The following NCOA3 variants were observed in gnomAD, a reference collection of about 807,000 sequenced individuals.
The protein encoded by NCOA3 is CBP-interacting protein.
NCOA3 carries 51 observed loss-of-function variants against 158.8 expected under a neutral mutation model. The ratio of observed to expected loss-of-function variants is 0.32; its 90% CI spans 0.26 to 0.41. NCOA3 has a LOEUF of 0.41. NCOA3 is among the 10% of genes least tolerant of loss of function. The probability of loss-of-function intolerance (pLI) is 1.00; values close to 1 mark genes in which losing one functional copy is unlikely to be tolerated. For missense variants in NCOA3, 1,510 were observed against 1,746.6 expected (o/e 0.86, Z 2.41); for synonymous variants, 537 against 592.4 (o/e 0.91, Z 1.36).
At chr20:47,649,677 G>A (rs1240266872) in intron 19 of NCOA3, among the ~76,000 whole-genome samples, 2 of 151,834 alleles carry the variant, frequency 1.3e-5, no homozygotes, top group African/African-American at 2.4e-5. Flanking sequence ...TTGAAATATC[G>A]TTTATAATTG....
chr20:47,653,123 A>G, intron 22 of NCOA3, 51 bp downstream of exon 22: 1 of 1,590,734 alleles, frequency 6.3e-7, no homozygotes, highest in Non-Finnish European at 8.6e-7. Flanking sequence ...TGTTCTCTGG[A>G]TAGAACTAAA....
chr20:47,503,649 A>G (rs1196318854), intron 1 of NCOA3, among the ~76,000 whole-genome samples: 3 of 152,240 alleles, frequency 2.0e-5, no homozygotes, highest in Non-Finnish European at 4.4e-5. Context: ...GTTGATAGCT[A>G]TTGGAAAAAG....
rs2086844131 is a variant in NCOA3, at chr20:47,654,547, CTT to C, written c.*1133_*1134del. ...TACCAGTGGAAGAGACATCCCTTGA[CTT>C]TTGTGGCCTGGGGGAGGGGTAGTGC... On this transcript the variant is annotated 3_prime_UTR_variant, in exon 23 of 23. Transcript: ENST00000371998. The C allele has an allele frequency of 6.6e-6, 1 of 152,514 alleles. No individual in the cohort carries two copies. Among genetic ancestry groups the C allele is most frequent in the South Asian group, 2.1e-4 (1 of 4,828 alleles). The allele number at this position is 152,514 out of a possible 1,614,324, so 9.4% of individuals were successfully genotyped here.
chr20:47,637,569 A>G, intron 12 of NCOA3, 79 bp from the exon 13 acceptor site: 3 of 1,171,074 alleles, frequency 2.6e-6, no homozygotes, highest in Non-Finnish European at 3.5e-6. Flanking sequence ...TATTTCATGT[A>G]TCATTTTTTC....
At chr20:47,573,961 C>T (rs899156808) in intron 1 of NCOA3, among the ~76,000 whole-genome samples, 1 of 151,958 alleles carries the variant, frequency 6.6e-6, no homozygotes, top group African/African-American at 2.4e-5. Context: ...TCATTGACCT[C>T]CAAAAATTCA....
At chr20:47,556,888 C>T (rs1406388697) in intron 1 of NCOA3, among the ~76,000 whole-genome samples, 1 of 152,144 alleles carries the variant, frequency 6.6e-6, no homozygotes, top group Non-Finnish European at 1.5e-5. Context: ...GAATTAAATC[C>T]TTTCATACCC....
intron 2 of NCOA3, among the ~76,000 whole-genome samples, chr20:47,596,728 G>C (rs552095409): frequency 6.6e-6 from 1 of 152,186 alleles, no homozygotes; most frequent in Non-Finnish European, 1.5e-5. Context: ...TGGGACTACA[G>C]GCGCTTGCCA....
In NCOA3 at chr20:47,635,563, T is replaced by A; in HGVS notation, c.1354T>A (p.Ser452Thr). Reference sequence around the variant, plus strand: ...CCCTGGGCCAGGCATGCAATCACCATCTTCCTACCAGAACAACAACTATGG... The same window carrying A: ...CCCTGGGCCAGGCATGCAATCACCAACTTCCTACCAGAACAACAACTATGG... ...LTPGPGMQSP[S>T]SYQNNNYGLN... is the part of the protein sequence containing the mutation. The change falls in exon 11 of 23, where the codon TCT becomes ACT. Residue 452 changes from serine (S) to threonine (T), a missense_variant. Coordinates refer to ENST00000371998, the MANE Select transcript of NCOA3 (RefSeq NM_181659.3). 1 of 1,614,094 alleles carries A rather than the reference T, an allele frequency of 6.2e-7. No individual in the cohort carries two copies. The highest frequency in any genetic ancestry group is 8.5e-7 in the Non-Finnish European group (1 of 1,180,012).
chr20:47,569,857 A>C (rs1271180872), intron 1 of NCOA3, among the ~76,000 whole-genome samples: 1 of 151,716 alleles, frequency 6.6e-6, no homozygotes, highest in African/African-American at 2.4e-5. Context: ...AAAAATACAA[A>C]AAATTAGCTG....
At chr20:47,564,549 TTTTTTTTTTTTA>T (rs1300246860) in intron 1 of NCOA3, among the ~76,000 whole-genome samples, 8 of 150,322 alleles carry the variant, frequency 5.3e-5, no homozygotes, top group African/African-American at 1.9e-4. Context: ...TTCTCCTCTT[TTTTTTTTTTTTA>T]GGTAGAATAT....
At chr20:47,535,106 GCAGTAGTGCAGTGGCA>G (rs1425735116) in intron 1 of NCOA3, among the ~76,000 whole-genome samples, 1 of 151,654 alleles carries the variant, frequency 6.6e-6, no homozygotes, top group African/African-American at 2.4e-5. Flanking sequence ...AGACTTGAGT[GCAGTAGTGCAGTGGCA>G]CAATCATGGC....
At chr20:47,600,110 T>TGTG (rs2085832889) in intron 2 of NCOA3, among the ~76,000 whole-genome samples, 4 of 143,036 alleles carry the variant, frequency 2.8e-5, no homozygotes, top group African/African-American at 1.0e-4. Flanking sequence ...CTCACTTCCT[T>TGTG]TGTGTGTGTG....
At chr20:47,511,521 C>CGAGA (rs1430818778) in intron 1 of NCOA3, among the ~76,000 whole-genome samples, 36 of 14,150 alleles carry the variant, frequency 2.5e-3, no homozygotes, top group African/African-American at 3.6e-3. Flanking sequence ...GTATCTCTCT[C>CGAGA]GAGATATATA....
chr20:47,646,941 G>T, intron 17 of NCOA3, 132 bp from the exon 18 acceptor site: 1 of 725,672 alleles, frequency 1.4e-6, no homozygotes, highest in Non-Finnish European at 2.3e-6. Context: ...GAGAAGTGAT[G>T]CCTGGCACAT....
intron 2 of NCOA3, among the ~76,000 whole-genome samples, chr20:47,619,247 A>G (rs1414392568): frequency 6.6e-6 from 1 of 152,230 alleles, no homozygotes; most frequent in African/African-American, 2.4e-5. Context: ...AAGTGCTGTT[A>G]TCCATGGAAT....
At chr20:47,632,953 T>A (rs1485940519) in intron 8 of NCOA3, among the ~76,000 whole-genome samples, 3 of 152,190 alleles carry the variant, frequency 2.0e-5, no homozygotes, top group Admixed American at 2.0e-4. Context: ...AGTGTTGGGA[T>A]TACAGGCGTG....
At chr20:47,508,062 A>G (rs985512283) in intron 1 of NCOA3, among the ~76,000 whole-genome samples, 3 of 152,136 alleles carry the variant, frequency 2.0e-5, no homozygotes, top group African/African-American at 7.2e-5. Flanking sequence ...AAAAAAAGGG[A>G]TAGTAATGAT....
At chr20:47,625,096 G>A (rs1274871194) in intron 4 of NCOA3, among the ~76,000 whole-genome samples, 1 of 152,124 alleles carries the variant, frequency 6.6e-6, no homozygotes, top group Non-Finnish European at 1.5e-5. Context: ...CTTTAGAGAC[G>A]GTTAACAGAC....
intron 19 of NCOA3, among the ~76,000 whole-genome samples, chr20:47,649,840 T>C (rs972648609): frequency 2.0e-5 from 3 of 152,136 alleles, no homozygotes; most frequent in Non-Finnish European, 4.4e-5. Context: ...TTTTTGGAGA[T>C]GACCCGTAGC....
Sources: allele counts gnomAD v4.1 joint callset (sites outside exome capture counted in the v4.1 genomes callset), GRCh38; gene constraint gnomAD v4.1.1; transcripts MANE v1.5; gene names NCBI Gene and HGNC (gene_info 2026-07-23, HGNC 2026-07-21).